STK38: variants seen among roughly 807,000 people sequenced by gnomAD.
STK38 encodes serine/threonine kinase 38.
In STK38, 26 loss-of-function variants were observed where a neutral mutation model predicts 59.0. The ratio of observed to expected loss-of-function variants is 0.44; its 90% CI spans 0.32 to 0.61. The LOEUF (loss-of-function observed/expected upper bound fraction) is 0.61, where lower values mean the gene tolerates loss of function less well. STK38 is among the 20% of genes least tolerant of loss of function. STK38 has a pLI of 0.04. For synonymous variants in STK38, 175 were observed against 176.6 expected (o/e 0.99, Z 0.07); for missense variants, 433 against 566.0 (o/e 0.76, Z 2.38).
intron 9 of STK38, among the ~76,000 whole-genome samples, chr6:36,503,808 A>AT (rs3216497): frequency 0.24 from 36,022 of 152,058 alleles, 4,498 homozygotes; most frequent in East Asian, 0.39. Context: ...TATTGCTCTT[A>AT]TTCCAGAAAC....
intron 5 of STK38, among the ~76,000 whole-genome samples, chr6:36,519,324 T>C (rs74719404): frequency 6.6e-6 from 1 of 152,182 alleles, no homozygotes; most frequent in Non-Finnish European, 1.5e-5. Flanking sequence ...GCAAAGCTTT[T>C]GGGAAACAGT....
At chr6:36,520,619 C>A (rs1379969264) in intron 5 of STK38, among the ~76,000 whole-genome samples, 2 of 152,164 alleles carry the variant, frequency 1.3e-5, no homozygotes, top group Non-Finnish European at 2.9e-5. Flanking sequence ...CACACCCATA[C>A]CACACACTAA....
At position 36,519,132 on chromosome 6, in the gene STK38, C is replaced by T. The variant is rs561149797; in HGVS notation, c.391-1292G>A. Among the ~76,000 whole-genome samples the T allele has an allele frequency of 3.3e-5, 5 of 152,260 alleles. No homozygotes were observed. In the South Asian group the frequency reaches 6.2e-4, roughly 19 times the overall value. ...TATGTATTTGAGTTTTCAGTATCTA[C>T]TAAAATCATTCTTTGGGGAATTTTT... is the stretch of plus-strand genomic sequence containing the variant. On this transcript the variant is annotated intron_variant, in intron 5 of 13. Transcript: ENST00000229812.
In STK38 at chr6:36,517,302, C is replaced by T. The variant is rs557898642; in HGVS notation, c.514+415G>A. On this transcript the variant is annotated intron_variant, in intron 6 of 13. Transcript: ENST00000229812. ...TTTTTCTGGCTACTAATATGGGTAA[C>T]AAAAAATTCACTCCTTATTAATATG... 3.9e-5 allele frequency among the ~76,000 whole-genome samples: 6 copies of T among 151,996 alleles called. No individual in the cohort carries two copies. In the East Asian group the frequency reaches 1.2e-3, roughly 29 times the overall value.
intron 7 of STK38, 42 bp from the exon 8 acceptor site, chr6:36,507,644 G>C: frequency 6.8e-7 from 1 of 1,478,134 alleles, no homozygotes; most frequent in African/African-American, 1.4e-5. Context: ...GAGTATTCTT[G>C]GAGGTAGAAC....
At chr6:36,500,562 C>T (rs1776812703) in intron 9 of STK38, among the ~76,000 whole-genome samples, 1 of 151,738 alleles carries the variant, frequency 6.6e-6, no homozygotes, top group Non-Finnish European at 1.5e-5. Context: ...GAGATGGAGA[C>T]CATCCTGGCC....
intron 1 of STK38, among the ~76,000 whole-genome samples, chr6:36,546,547 G>C (rs1279249291): frequency 1.3e-5 from 2 of 152,192 alleles, no homozygotes. Flanking sequence ...AGTCGTTTCA[G>C]AATGAACTGA....
chr6:36,509,934 T>C (rs1582417982), intron 7 of STK38, among the ~76,000 whole-genome samples: 1 of 151,884 alleles, frequency 6.6e-6, no homozygotes, highest in East Asian at 1.9e-4. Flanking sequence ...GAGTCCAGGG[T>C]TTGTATGGGT....
chr6:36,502,147 TTTTTTC>T (rs905563652), intron 9 of STK38, among the ~76,000 whole-genome samples: 6 of 152,134 alleles, frequency 3.9e-5, no homozygotes, highest in African/African-American at 1.4e-4. Context: ...GGATCTCTTT[TTTTTTC>T]TTTTTAAGAG....
At chr6:36,514,864 A>G (rs898369563) in intron 7 of STK38, among the ~76,000 whole-genome samples, 2 of 151,170 alleles carry the variant, frequency 1.3e-5, no homozygotes, top group Non-Finnish European at 3.0e-5. Context: ...AAAAAAAAAA[A>G]AAAAGAGGCT....
chr6:36,529,190 A>C (rs1455518028), intron 2 of STK38, among the ~76,000 whole-genome samples: 1 of 152,240 alleles, frequency 6.6e-6, no homozygotes, highest in Non-Finnish European at 1.5e-5. Context: ...ATTATGCAAG[A>C]AAATGGCCAT....
chr6:36,520,946 G>C (rs1012104758), intron 5 of STK38, among the ~76,000 whole-genome samples: 7 of 152,046 alleles, frequency 4.6e-5, no homozygotes, highest in African/African-American at 1.7e-4. Context: ...TTGTCACAGG[G>C]TCTCCATGTT....
intron 9 of STK38, among the ~76,000 whole-genome samples, chr6:36,500,758 C>CAAAAA (rs753008721): frequency 1.7e-5 from 1 of 58,434 alleles, no homozygotes; most frequent in Non-Finnish European, 3.4e-5. Flanking sequence ...GACTCTGTCT[C>CAAAAA]AAAAAAAAAA....
chr6:36,518,047 G>A lies in STK38; in HGVS notation c.391-207C>T, dbSNP rs1177011434. ...AAGGTATTCAGTGATGAAAACTTGA[G>A]TGATGAAAGGCTTTAAAAAATGGCA... On this transcript the variant is annotated intron_variant, in intron 5 of 13. Coordinates refer to ENST00000229812, the MANE Select transcript of STK38 (RefSeq NM_007271.4). 4.6e-5 allele frequency among the ~76,000 whole-genome samples: 7 copies of A among 152,226 alleles called. No homozygotes were observed. In the East Asian group the frequency reaches 1.2e-3, roughly 25 times the overall value.
In STK38 at chr6:36,498,408, G is replaced by A. The variant is rs746591612; in HGVS notation, c.1031C>T (p.Pro344Leu). 1.9e-6 allele frequency: 3 copies of A among 1,613,880 alleles called. No homozygotes were observed. Among genetic ancestry groups the A allele is most frequent in the African/African-American group, 2.7e-5 (2 of 74,888 alleles). The part of the protein sequence containing the change: ...VMNWKETLTF[P>L]PEVPISEKAK... ...TTTCTCAGAGATGGGAACTTCTGGA[G>A]GAAAAGTCAAAGTTTCTTTCCAGTT... Residue 344 changes from proline to leucine, a missense_variant, in exon 11 of 14, where the codon CCT (proline) becomes CTT (leucine). Transcript: ENST00000229812.
At chr6:36,530,359 G>A (rs2127485405) in intron 2 of STK38, among the ~76,000 whole-genome samples, 1 of 150,900 alleles carries the variant, frequency 6.6e-6, no homozygotes, top group East Asian at 2.0e-4. Flanking sequence ...TTCAGAAAAT[G>A]TCTAATAAAT....
intron 2 of STK38, among the ~76,000 whole-genome samples, chr6:36,526,218 G>GCGT (rs1777508625): frequency 8.8e-6 from 1 of 114,276 alleles, no homozygotes; most frequent in South Asian, 2.7e-4. Context: ...TTGGTTTTGG[G>GCGT]TGTTTTTTTT....
At chr6:36,527,322 A>ATATGTATATATG (rs1491132549) in intron 2 of STK38, among the ~76,000 whole-genome samples, 1 of 81,000 alleles carries the variant, frequency 1.2e-5, no homozygotes, top group African/African-American at 5.4e-5. Flanking sequence ...ATATACACAC[A>ATATGTATATATG]TATATATACA....
chr6:36,512,604 G>C (rs1281448655), intron 7 of STK38, among the ~76,000 whole-genome samples: 2 of 152,086 alleles, frequency 1.3e-5, no homozygotes, highest in African/African-American at 4.8e-5. Context: ...AAACAGAAAG[G>C]CATCAAAGTG....
Sources: allele counts gnomAD v4.1 joint callset (sites outside exome capture counted in the v4.1 genomes callset), GRCh38; gene constraint gnomAD v4.1.1; transcripts MANE v1.5; gene names NCBI Gene and HGNC (gene_info 2026-07-23, HGNC 2026-07-21).